ATN1: variants seen among roughly 807,000 people sequenced by gnomAD.
The protein encoded by ATN1 is atrophin 1.
ATN1 carries 19 observed loss-of-function variants against 85.8 expected under a neutral mutation model. The observed-to-expected ratio is 0.22, with a 90% CI of 0.15 to 0.32. The LOEUF (loss-of-function observed/expected upper bound fraction) is 0.32, where lower values mean the gene tolerates loss of function less well. ATN1 is among the 10% of genes least tolerant of loss of function. The pLI is 1.00. For missense variants in ATN1, 1,453 were observed against 1,564.5 expected, an observed-to-expected ratio of 0.93 and a Z score of 1.20; for synonymous variants, 674 against 657.0, an observed-to-expected ratio of 1.03 and a Z score of -0.39.
chr12:6,941,750 C>G lies in ATN1; in HGVS notation c.3543C>G (p.His1181Gln). 1 of 1,613,834 alleles carries G rather than the reference C, an allele frequency of 6.2e-7. No homozygotes were observed. The highest frequency in any genetic ancestry group is 8.5e-7 in the Non-Finnish European group (1 of 1,179,848). Residue 1181 changes from histidine (H) to glutamine (Q), a missense_variant, in exon 10 of 10, where the codon CAC (histidine) becomes CAG (glutamine). Physicochemically the swap from His to Gln is conservative, Grantham distance 24 (BLOSUM62 0). Transcript: ENST00000396684. This position sits in a 1 kb window ranked among gnomAD's most constrained non-coding sequence, Gnocchi z 5.9. ...CTATGCACTGCCCCTTCCCTAGTCA[C>G]CTGAAGAAGGAAAGCGACAAGCCAC... The part of the protein sequence containing the change: ...PLPAQEDYYS[H>Q]LKKESDKPL
At position 6,939,083 on chromosome 12, in the gene ATN1, C is replaced by T. The variant is rs1555144349; in HGVS notation, c.3120C>T (p.Ala1040=). Residue 1040 remains alanine (A), a synonymous_variant, in exon 7 of 10, where the codon GCC becomes GCT. Coordinates refer to ENST00000396684, the MANE Select transcript of ATN1 (RefSeq NM_001940.4). ...CGGCCCTGGGCAATGACCCACTGGC[C>T]CGGCTGCAGATGCTCAATGTGACTC... is the stretch of plus-strand genomic sequence containing the variant. ...RVAALGNDPL[A]RLQMLNVTPH... 1 of 1,603,138 alleles carries T rather than the reference C, an allele frequency of 6.2e-7. No homozygotes were observed. Among genetic ancestry groups the T allele is most frequent in the Non-Finnish European group, 8.5e-7 (1 of 1,179,962 alleles).
In ATN1 at chr12:6,934,162, T is replaced by A; in HGVS notation, c.28-14T>A. 6.2e-7 allele frequency: 1 copy of A among 1,613,492 alleles called. No homozygotes were observed. Among genetic ancestry groups the A allele is most frequent in the Non-Finnish European group, 8.5e-7 (1 of 1,179,786 alleles). ...TAAAGAACAGTGTTACCTACCTCCT[T>A]CCTCCTCCTGTAGATGTCAATGAGG... On this transcript the variant is annotated splice_polypyrimidine_tract_variant and intron_variant, in intron 2 of 9. Transcript: ENST00000396684. This position sits in a 1 kb window ranked among gnomAD's most constrained non-coding sequence, Gnocchi z 4.5.
chr12:6,940,335 G>A (rs782489819), intron 7 of ATN1, among the ~76,000 whole-genome samples: 5 of 151,848 alleles, frequency 3.3e-5, no homozygotes, highest in Non-Finnish European at 7.4e-5. Context: ...GCGCGATCTC[G>A]GCTCACTGCA....
At chr12:6,938,182 CGTCGCCA>C in intron 6 of ATN1, 115 bp downstream of exon 6, 1 of 1,438,082 alleles carries the variant, frequency 7.0e-7, no homozygotes, top group Non-Finnish European at 9.1e-7. Flanking sequence ...GGGCGAGTCA[CGTCGCCA>C]CCTGTCGGAG....
At chr12:6,931,565 T>A (rs375449751) in intron 1 of ATN1, among the ~76,000 whole-genome samples, 4 of 146,360 alleles carry the variant, frequency 2.7e-5, no homozygotes, top group African/African-American at 1.0e-4. Context: ...AATACAAAAA[T>A]TAGCCAGGTG....
Position 6,934,208 on chromosome 12 carries a change from C to T in ATN1, c.60C>T (p.Ala20=), listed in dbSNP as rs1056185570. The T allele has an allele frequency of 5.0e-6, 8 of 1,599,970 alleles. No homozygotes were observed. Among genetic ancestry groups the T allele is most frequent in the Middle Eastern group, 1.8e-4 (1 of 5,532 alleles). Residue 20 remains alanine, a synonymous_variant, in exon 3 of 10, where the codon GCC becomes GCT. Transcript: ENST00000396684. The surrounding 1 kb of genome is among the most constrained non-coding windows in gnomAD (Gnocchi z 4.5). The stretch of plus-strand genomic sequence containing the variant: ...TGAGGAGTGGACGGAAGAAAGAGGC[C>T]CCTGGGCCCCGGGAAGAACTGAGAT... ...MSMRSGRKKE[A]PGPREELRSR...
chr12:6,941,688 C>T lies in ATN1; in HGVS notation c.3540-59C>T, dbSNP rs987748883. The T allele has an allele frequency of 2.5e-6, 4 of 1,595,604 alleles. No individual in the cohort carries two copies. The highest frequency in any genetic ancestry group is 1.7e-4 in the Middle Eastern group (1 of 6,028). On this transcript the variant is annotated intron_variant, in intron 9 of 9. Coordinates refer to ENST00000396684, the MANE Select transcript of ATN1 (RefSeq NM_001940.4). This position sits in a 1 kb window ranked among gnomAD's most constrained non-coding sequence, Gnocchi z 5.9. ...TCCCAACCCCTTCGGTAAGAGGGGG[C>T]AAGGTCAGAGTTGGTCTCAAGTCTC...
chr12:6,931,409 G>GA (rs781985905), intron 1 of ATN1, among the ~76,000 whole-genome samples: 2,129 of 53,096 alleles, frequency 0.04, 82 homozygotes, highest in African/African-American at 0.091. Context: ...AGCTGTAGTT[G>GA]AAAAAAAAAA....
upstream of ATN1, among the ~76,000 whole-genome samples, chr12:6,926,714 C>T (rs916124730): frequency 6.6e-6 from 1 of 152,154 alleles, no homozygotes; most frequent in Non-Finnish European, 1.5e-5. Context: ...AAGTGACCCA[C>T]CCGACTCAGC....
In ATN1 at chr12:6,936,728, ACAGCAGCAGCAG is replaced by A. The variant is rs60216939; in HGVS notation, c.1497_1508del (p.Gln499_Gln502del). 7.6e-3 allele frequency: 12,089 copies of A among 1,582,352 alleles called. 166 individuals are homozygous for A. Among genetic ancestry groups the A allele is most frequent in the African/African-American group, 0.062 (4,346 of 70,080 alleles). Reference sequence around the variant, plus strand: ...ATCACCATCACCACCAGCAACAGCAACAGCAGCAGCAGCAGCAGCAGCAGCAGCAGCAGCAGC... The same window carrying A: ...ATCACCATCACCACCAGCAACAGCAACAGCAGCAGCAGCAGCAGCAGCAGC... On this transcript the variant is annotated inframe_deletion, in exon 5 of 10. Coordinates refer to ENST00000396684, the MANE Select transcript of ATN1 (RefSeq NM_001940.4).
Position 6,937,196 on chromosome 12 carries a change from C to T in ATN1, c.1929C>T (p.Ala643=), listed in dbSNP as rs1555143912. The T allele has an allele frequency of 6.2e-7, 1 of 1,611,446 alleles. No individual in the cohort carries two copies. Among genetic ancestry groups the T allele is most frequent in the Non-Finnish European group, 8.5e-7 (1 of 1,179,610 alleles). ...GGCCCCCACCGTACGGAAAGAGAGCCCCGTCCCCGGGGGCCTACAAGACAG... is the reference window on the plus strand; with the variant it reads ...GGCCCCCACCGTACGGAAAGAGAGCTCCGTCCCCGGGGGCCTACAAGACAG... ...PPGPPPYGKR[A]PSPGAYKTAT... is the part of the protein sequence containing the mutation. Residue 643 remains alanine, a synonymous_variant, in exon 5 of 10, where the codon GCC becomes GCT. Coordinates refer to ENST00000396684, the MANE Select transcript of ATN1 (RefSeq NM_001940.4). This position sits in a 1 kb window ranked among gnomAD's most constrained non-coding sequence, Gnocchi z 6.0.
chr12:6,934,068 C>T lies in ATN1; in HGVS notation c.27+40C>T, dbSNP rs782377106. ...GAGACATGAAAGATGAGGGGCGGGGCAGGCAAGCTAGGAGGAAGGGTCTAG... is the reference window on the plus strand; with the variant it reads ...GAGACATGAAAGATGAGGGGCGGGGTAGGCAAGCTAGGAGGAAGGGTCTAG... On this transcript the variant is annotated intron_variant, in intron 2 of 9. Transcript: ENST00000396684. The surrounding 1 kb of genome is among the most constrained non-coding windows in gnomAD (Gnocchi z 4.5). 6.2e-7 allele frequency: 1 copy of T among 1,610,556 alleles called. No homozygotes were observed. Among genetic ancestry groups the T allele is most frequent in the South Asian group, 1.1e-5 (1 of 90,638 alleles).
chr12:6,936,313 G>A lies in ATN1; in HGVS notation c.1046G>A (p.Gly349Asp). The change falls in exon 5 of 10, where the codon GGC becomes GAC. Residue 349 changes from glycine to aspartate, a missense_variant. Transcript: ENST00000396684. ...MGGLPPGPEK[G>D]PTLAPSPHSL... ...GGACTTCCTCCTGGCCCAGAGAAGG[G>A]CCCAACTCTGGCTCCTTCACCCCAC... is the stretch of plus-strand genomic sequence containing the variant. 6.2e-7 allele frequency: 1 copy of A among 1,613,862 alleles called. No individual in the cohort carries two copies. The highest frequency in any genetic ancestry group is 1.3e-5 in the African/African-American group (1 of 74,936).
chr12:6,927,258 C>G (rs1421757157), upstream of ATN1, among the ~76,000 whole-genome samples: 1 of 151,718 alleles, frequency 6.6e-6, no homozygotes, highest in Non-Finnish European at 1.5e-5. Flanking sequence ...CCTTATGACC[C>G]CAAACTTCCA....
Position 6,934,242 on chromosome 12 carries a change from C to T in ATN1, c.94C>T (p.Arg32Trp), listed in dbSNP as rs782322868. The T allele has an allele frequency of 5.7e-6, 9 of 1,587,164 alleles. No homozygotes were observed. Among genetic ancestry groups the T allele is most frequent in the African/African-American group, 2.7e-5 (2 of 72,800 alleles). Residue 32 changes from arginine (R) to tryptophan (W), a missense_variant, in exon 3 of 10, where the codon CGG becomes TGG. Physicochemically the swap from Arg to Trp is moderately radical, Grantham distance 101 (BLOSUM62 -3). Around this residue, in one of 6 missense-constraint regions of ATN1, gnomAD observed 130 missense variants for 158.2 expected, o/e 0.82. Transcript: ENST00000396684. The surrounding 1 kb of genome is among the most constrained non-coding windows in gnomAD (Gnocchi z 4.5). ...GPREELRSRG[R>W]ASPGGVSTSS... ...CCGGGAAGAACTGAGATCGAGGGGCCGGGCCTCCCCTGGAGGGGTCAGCAC... is the reference window on the plus strand; with the variant it reads ...CCGGGAAGAACTGAGATCGAGGGGCTGGGCCTCCCCTGGAGGGGTCAGCAC...
Position 6,938,054 on chromosome 12 carries a change from T to A in ATN1, c.2504T>A (p.Leu835His). 1 of 1,544,492 alleles carries A rather than the reference T, an allele frequency of 6.5e-7. No homozygotes were observed. The highest frequency in any genetic ancestry group is 2.5e-5 in the East Asian group (1 of 40,810). The change falls in exon 6 of 10, where the codon CTT (leucine) becomes CAT (histidine). Residue 835 changes from leucine to histidine, a missense_variant. Leu to His is a moderately conservative substitution (Grantham distance 99). Around this residue, in one of 6 missense-constraint regions of ATN1, gnomAD observed 990 missense variants for 914.8 expected, o/e 1.08. Coordinates refer to ENST00000396684, the MANE Select transcript of ATN1 (RefSeq NM_001940.4). Reference protein sequence around the residue: ...KEREREKERELERSVKLAQEG... With the variant: ...KEREREKEREHERSVKLAQEG... Reference sequence around the variant, plus strand: ...CGCGAGCGCGAGAAGGAGCGCGAGCTTGAACGCAGCGTGGTGAGTGCGTCA... The same window carrying A: ...CGCGAGCGCGAGAAGGAGCGCGAGCATGAACGCAGCGTGGTGAGTGCGTCA...
Position 6,933,887 on chromosome 12 carries a change from A to G in ATN1, c.-115A>G. ...CAAAAGTTCCAGGTGCCCACACTGG[A>G]AACTTGGAGATCCTGCTTCCCAGAC... On this transcript the variant is annotated 5_prime_UTR_variant, in exon 2 of 10. Coordinates refer to ENST00000396684, the MANE Select transcript of ATN1 (RefSeq NM_001940.4). The G allele has an allele frequency of 7.5e-7, 1 of 1,325,814 alleles. No individual in the cohort carries two copies. The highest frequency in any genetic ancestry group is 1.0e-6 in the Non-Finnish European group (1 of 952,710). 82.1% of individuals were successfully genotyped at this position (1,325,814 alleles called of 1,614,324 possible).
Position 6,935,471 on chromosome 12 carries a change from T to G in ATN1, c.280-76T>G. On this transcript the variant is annotated intron_variant, in intron 4 of 9. Coordinates refer to ENST00000396684, the MANE Select transcript of ATN1 (RefSeq NM_001940.4). The surrounding 1 kb of genome is among the most constrained non-coding windows in gnomAD (Gnocchi z 5.3). ...AACAGTGTGCTGTGAGGGGAAATGA[T>G]TTTATGCAAGAGAGCCCCAAATCTC... The G allele has an allele frequency of 7.1e-7, 1 of 1,402,148 alleles. No homozygotes were observed. Among genetic ancestry groups the G allele is most frequent in the South Asian group, 1.3e-5 (1 of 75,066 alleles). 86.9% of individuals were successfully genotyped at this position (1,402,148 alleles called of 1,614,324 possible). A position where few individuals can be genotyped will look rare whatever the true frequency, so the allele number is the denominator to read the frequency against.
intron 6 of ATN1, 113 bp downstream of exon 6, chr12:6,938,180 C>T (rs2138218159): frequency 2.8e-6 from 4 of 1,439,154 alleles, no homozygotes; most frequent in East Asian, 2.5e-5. Context: ...GCGGGCGAGT[C>T]ACGTCGCCAC....
Sources: gnomAD v4.1 joint callset for allele counts (sites outside exome capture counted in the v4.1 genomes callset) on GRCh38, gnomAD v4.1.1 for gene constraint, gnomAD v4.1.1 regional missense constraint, Gnocchi (gnomAD v3.1) non-coding constraint, MANE v1.5 for transcripts, NCBI Gene and HGNC (gene_info 2026-07-23, HGNC 2026-07-21) for gene names.